Variants in PIEZO2 observed in about 807,000 individuals in gnomAD.
PIEZO2 encodes piezo type mechanosensitive ion channel component 2, also known as piezo-type mechanosensitive ion channel component 2.
A neutral mutation model predicts 337.3 loss-of-function variants in PIEZO2; 172 were observed. The observed-to-expected ratio is 0.51, with a 90% CI of 0.45 to 0.58. The LOEUF (loss-of-function observed/expected upper bound fraction) is 0.58. Among genes scored for constraint, PIEZO2 ranks in the 20% least tolerant of loss-of-function variants. PIEZO2 has a pLI of 0.00. For synonymous variants in PIEZO2, 1,251 were observed against 1,228.5 expected (o/e 1.02, Z -0.38); for missense variants, 3,028 against 3,391.3 (o/e 0.89, Z 2.66).
At chr18:10,893,512 A>C (rs905582946) in intron 4 of PIEZO2, 1 of 152,174 alleles carries the variant, frequency 6.6e-6, no homozygotes, top group African/African-American at 2.4e-5. Context: ...GTCCAGATGC[A>C]AGGGTCTCTC....
chr18:11,095,467 T>C (rs1300721105), intron 1 of PIEZO2, among the ~76,000 whole-genome samples: 2 of 152,300 alleles, frequency 1.3e-5, no homozygotes, highest in Non-Finnish European at 1.5e-5. Context: ...AAGTCAGACC[T>C]CAGTTAGAAC....
intron 2 of PIEZO2, among the ~76,000 whole-genome samples, chr18:11,042,479 A>C (rs1431374435): frequency 3.3e-5 from 5 of 152,240 alleles, no homozygotes; most frequent in Admixed American, 6.5e-5. Flanking sequence ...ACAGTGAATG[A>C]ATAAACATCA....
intron 2 of PIEZO2, among the ~76,000 whole-genome samples, chr18:11,064,902 G>T (rs1373998189): frequency 6.6e-6 from 1 of 152,158 alleles, no homozygotes; most frequent in Non-Finnish European, 1.5e-5. Flanking sequence ...TTGTTTCTCA[G>T]GCCGGAAACT....
Position 10,698,999 on chromosome 18 carries a change from A to T in PIEZO2, c.6620T>A (p.Val2207Asp). The change falls in exon 44 of 56, where the codon GTC becomes GAC. Residue 2207 changes from valine to aspartate, a missense_variant. Coordinates refer to ENST00000674853, the MANE Select transcript of PIEZO2 (RefSeq NM_001378183.1). The part of the protein sequence containing the change: ...HVTFPEQQTA[V>D]RRKRSGSSSE... ...GCTGCTGCCGGAGCGCTTCCTCCGG[A>T]CAGCTGTCTGCTGCTCCGGGAAGGT... is the stretch of plus-strand genomic sequence containing the variant. 5.2e-6 allele frequency: 8 copies of T among 1,536,968 alleles called. No individual in the cohort carries two copies. The highest frequency in any genetic ancestry group is 7.0e-6 in the Non-Finnish European group (8 of 1,146,884).
chr18:10,754,043 G>T (rs1312189664), intron 27 of PIEZO2, among the ~76,000 whole-genome samples: 3 of 152,150 alleles, frequency 2.0e-5, no homozygotes, highest in African/African-American at 7.2e-5. Context: ...TTGAGTGTGT[G>T]TGCCTGTGAG....
In PIEZO2 at chr18:10,696,510, T is replaced by A. The variant is rs1232389720; in HGVS notation, c.6857A>T (p.Gln2286Leu). The change falls in exon 46 of 56, where the codon CAG becomes CTG. Residue 2286 changes from glutamine to leucine, a missense_variant. This residue lies in a region of PIEZO2 where 1,925 missense variants were observed against 2,051.9 expected (regional missense o/e 0.94). Coordinates refer to ENST00000674853, the MANE Select transcript of PIEZO2 (RefSeq NM_001378183.1). ...CGGGTGGATGAGGTTGTAAAAGAAC[T>A]GTTTGATGGGCACATAGATCTCCAG... Reference protein sequence around the residue: ...KTLEIYVPIKQFFYNLIHPEY... With the variant: ...KTLEIYVPIKLFFYNLIHPEY... 3 of 1,613,842 alleles carry A rather than the reference T, an allele frequency of 1.9e-6. No individual in the cohort carries two copies. The highest frequency in any genetic ancestry group is 2.2e-5 in the South Asian group (2 of 91,050).
chr18:11,145,296 A>T (rs2040780891), intron 1 of PIEZO2, among the ~76,000 whole-genome samples: 1 of 152,196 alleles, frequency 6.6e-6, no homozygotes, highest in Non-Finnish European at 1.5e-5. Flanking sequence ...ATCACATAAC[A>T]TCTGCATTGA....
intron 2 of PIEZO2, among the ~76,000 whole-genome samples, chr18:11,055,210 C>CAA (rs11390110): frequency 0.067 from 5,218 of 78,186 alleles, 521 homozygotes; most frequent in African/African-American, 0.17. Flanking sequence ...GACTCTGTCT[C>CAA]AAAAAAAAAA....
In PIEZO2 at chr18:11,047,376, G is replaced by A. The variant is rs1182980881; in HGVS notation, c.160+18751C>T. Among the ~76,000 whole-genome samples the A allele has an allele frequency of 6.6e-6, 1 of 152,176 alleles. No homozygotes were observed. The highest frequency in any genetic ancestry group is 2.4e-5 in the African/African-American group (1 of 41,434). ...GTTGGAATGGAGTAGGAGCGAGGGA[G>A]CCGCGCAGTGCAGCAAAGGCTCCTG... is the stretch of plus-strand genomic sequence containing the variant. On this transcript the variant is annotated intron_variant, in intron 2 of 55. Coordinates refer to ENST00000674853, the MANE Select transcript of PIEZO2 (RefSeq NM_001378183.1). This position sits in a 1 kb window ranked among gnomAD's most constrained non-coding sequence, Gnocchi z 7.2.
chr18:10,682,334 G>A lies in PIEZO2; in HGVS notation c.7498-42C>T, dbSNP rs1435814666. ...AGACAAGGCTCAGGCTCAGGCTCAG[G>A]TGCTTTCCCGCAGGCAGCGGGATTG... On this transcript the variant is annotated intron_variant, in intron 49 of 55. Coordinates refer to ENST00000674853, the MANE Select transcript of PIEZO2 (RefSeq NM_001378183.1). The surrounding 1 kb of genome is among the most constrained non-coding windows in gnomAD (Gnocchi z 5.6). 4.7e-6 allele frequency: 7 copies of A among 1,494,142 alleles called. No homozygotes were observed. The highest frequency in any genetic ancestry group is 6.3e-6 in the Non-Finnish European group (7 of 1,119,838). 92.6% of individuals were successfully genotyped at this position (1,494,142 alleles called of 1,614,324 possible). A position where few individuals can be genotyped will look rare whatever the true frequency, so the allele number is the denominator to read the frequency against.
At chr18:10,966,865 A>G (rs1020964032) in intron 3 of PIEZO2, among the ~76,000 whole-genome samples, 7 of 152,252 alleles carry the variant, frequency 4.6e-5, no homozygotes, top group Non-Finnish European at 1.0e-4. Flanking sequence ...GTGAGAACAT[A>G]CAATGTTTGG....
intron 2 of PIEZO2, among the ~76,000 whole-genome samples, chr18:10,999,372 C>A (rs775681631): frequency 2.6e-5 from 4 of 152,074 alleles, no homozygotes; most frequent in Non-Finnish European, 4.4e-5. Flanking sequence ...TATCTGTGGA[C>A]TCCATATCCA....
At chr18:11,054,977 C>T (rs922860620) in intron 2 of PIEZO2, among the ~76,000 whole-genome samples, 5 of 151,970 alleles carry the variant, frequency 3.3e-5, no homozygotes, top group Admixed American at 6.6e-5. Context: ...TTTGGGAGGC[C>T]GAGGAGGGCA....
intron 1 of PIEZO2, among the ~76,000 whole-genome samples, chr18:11,084,339 C>G (rs1180152047): frequency 6.6e-6 from 1 of 152,194 alleles, no homozygotes; most frequent in East Asian, 1.9e-4. Flanking sequence ...GGACAGTAAC[C>G]TGCTAGCACT....
At chr18:11,107,510 A>G (rs2039603709) in intron 1 of PIEZO2, among the ~76,000 whole-genome samples, 1 of 152,212 alleles carries the variant, frequency 6.6e-6, no homozygotes, top group African/African-American at 2.4e-5. Flanking sequence ...ATCTGTTTTT[A>G]CAAGATAAAT....
intron 2 of PIEZO2, among the ~76,000 whole-genome samples, chr18:11,010,122 C>A (rs2145651095): frequency 6.6e-6 from 1 of 152,300 alleles, no homozygotes; most frequent in East Asian, 1.9e-4. Flanking sequence ...GATTCCTAAT[C>A]AAAGACAGAT....
chr18:10,731,409 T>C lies in PIEZO2; in HGVS notation c.5027A>G (p.Glu1676Gly), dbSNP rs369661357. 3.8e-4 allele frequency: 575 copies of C among 1,532,166 alleles called. 3 individuals are homozygous for C. The African/African-American group carries it at 7.0e-3, about 19-fold the overall frequency. 94.9% of individuals were successfully genotyped at this position (1,532,166 alleles called of 1,614,324 possible). The change falls in exon 36 of 56, where the codon GAG becomes GGG. Residue 1676 changes from glutamate (E) to glycine (G), a missense_variant and splice_region_variant. This residue lies in a region of PIEZO2 where 1,925 missense variants were observed against 2,051.9 expected (regional missense o/e 0.94). Transcript: ENST00000674853. ...CAGCCACCCCACCCACCACTCACCC[T>C]CCTTGGATCCTTTCCGCCTTCGTTT... The part of the protein sequence containing the change: ...ERKRRRKGSK[E>G]GPVEWEDRED...
chr18:10,838,586 G>A (rs772600725), intron 7 of PIEZO2, among the ~76,000 whole-genome samples: 1 of 152,230 alleles, frequency 6.6e-6, no homozygotes, highest in Non-Finnish European at 1.5e-5. Context: ...TGCAGGGTGT[G>A]CTGTATTCAG....
At chr18:10,938,790 A>G (rs2032545071) in intron 3 of PIEZO2, among the ~76,000 whole-genome samples, 1 of 152,244 alleles carries the variant, frequency 6.6e-6, no homozygotes, top group Admixed American at 6.5e-5. Flanking sequence ...ACACTTTAAA[A>G]GTAAGTTTAC....
Sources: allele counts gnomAD v4.1 joint callset (sites outside exome capture counted in the v4.1 genomes callset), GRCh38; gene constraint gnomAD v4.1.1; regional missense constraint gnomAD v4.1.1; non-coding constraint Gnocchi (gnomAD v3.1); transcripts MANE v1.5; gene names NCBI Gene and HGNC (gene_info 2026-07-23, HGNC 2026-07-21).